Variants in SLC9B2 observed in about 807,000 individuals in gnomAD.
SLC9B2 encodes sodium/hydrogen exchanger 9B2.
SLC9B2 carries 39 observed loss-of-function variants against 52.2 expected under a neutral mutation model. The observed-to-expected ratio is 0.75, with a 90% CI of 0.58 to 0.98. The LOEUF (loss-of-function observed/expected upper bound fraction) is 0.98, where lower values mean the gene tolerates loss of function less well. Ranked by LOEUF, SLC9B2 falls within the 50% of genes least tolerant of loss-of-function variation. The pLI is 0.00. For missense variants in SLC9B2, 626 were observed against 637.5 expected (o/e 0.98, Z 0.19); for synonymous variants, 214 against 227.0 (o/e 0.94, Z 0.51).
intron 10 of SLC9B2, among the ~76,000 whole-genome samples, chr4:103,030,863 C>A (rs1258668842): frequency 6.6e-6 from 1 of 152,106 alleles, no homozygotes; most frequent in Non-Finnish European, 1.5e-5. Context: ...CTCCCAGCCC[C>A]TGGCAAGTAC....
intron 1 of SLC9B2, among the ~76,000 whole-genome samples, chr4:103,074,796 T>C (rs1746966857): frequency 6.6e-6 from 1 of 152,234 alleles, no homozygotes. Context: ...TCACTACTAT[T>C]GCTGCCTGGA....
intron 1 of SLC9B2, among the ~76,000 whole-genome samples, chr4:103,074,912 C>G (rs966567609): frequency 6.6e-6 from 1 of 152,160 alleles, no homozygotes; most frequent in Non-Finnish European, 1.5e-5. Flanking sequence ...CCCTCGTTTT[C>G]CTCTCTGATG....
At chr4:103,041,410 G>T (rs1389848829) in intron 9 of SLC9B2, among the ~76,000 whole-genome samples, 2 of 152,086 alleles carry the variant, frequency 1.3e-5, no homozygotes, top group Admixed American at 1.3e-4. Flanking sequence ...ACAATGGTTT[G>T]GTTTATAAGA....
intron 10 of SLC9B2, among the ~76,000 whole-genome samples, chr4:103,030,779 T>C (rs1226030085): frequency 6.6e-6 from 1 of 152,138 alleles, no homozygotes; most frequent in Non-Finnish European, 1.5e-5. Context: ...CACACTATTA[T>C]GCAACCAATC....
intron 6 of SLC9B2, chr4:103,048,634 T>C: frequency 3.0e-6 from 1 of 331,608 alleles, no homozygotes; most frequent in Non-Finnish European, 5.7e-6. Flanking sequence ...CGGTATCTCT[T>C]TAACAGGCAT....
intron 1 of SLC9B2, among the ~76,000 whole-genome samples, chr4:103,074,326 T>C (rs897776997): frequency 6.6e-6 from 1 of 152,202 alleles, no homozygotes; most frequent in African/African-American, 2.4e-5. Flanking sequence ...ATCTGTATTT[T>C]TGAAGGGAGT....
intron 3 of SLC9B2, among the ~76,000 whole-genome samples, chr4:103,059,893 T>C (rs1266661292): frequency 2.0e-5 from 3 of 152,152 alleles, no homozygotes; most frequent in Admixed American, 6.5e-5. Flanking sequence ...TCTTAAAGGA[T>C]AGTTTTTCTA....
chr4:103,057,735 C>G, intron 4 of SLC9B2, 66 bp downstream of exon 4: 2 of 1,507,994 alleles, frequency 1.3e-6, no homozygotes, highest in Admixed American at 2.4e-5. Context: ...TTTCCCAAAG[C>G]TTTCCAAACT....
At chr4:103,057,773 G>C (rs1339088648) in intron 4 of SLC9B2, 28 bp downstream of exon 4, 1 of 1,597,962 alleles carries the variant, frequency 6.3e-7, no homozygotes, top group Non-Finnish European at 8.5e-7. Flanking sequence ...GTTTACTCTG[G>C]ATAGAACAGG....
At chr4:103,029,852 GA>G (rs1742543747) in intron 10 of SLC9B2, among the ~76,000 whole-genome samples, 1 of 152,034 alleles carries the variant, frequency 6.6e-6, no homozygotes, top group African/African-American at 2.4e-5. Context: ...TTTTATAGTT[GA>G]AAAAACCAGA....
chr4:103,054,173 G>A (rs1297792268), intron 4 of SLC9B2, among the ~76,000 whole-genome samples: 1 of 152,078 alleles, frequency 6.6e-6, no homozygotes, highest in African/African-American at 2.4e-5. Context: ...GAAGGCTGAG[G>A]CAGGAAGATT....
At chr4:103,032,244 T>C (rs1742776060) in intron 9 of SLC9B2, among the ~76,000 whole-genome samples, 1 of 152,178 alleles carries the variant, frequency 6.6e-6, no homozygotes, top group African/African-American at 2.4e-5. Context: ...TACTGCTGCA[T>C]AGTGATCTAC....
At chr4:103,043,093 T>C (rs887968289) in intron 9 of SLC9B2, among the ~76,000 whole-genome samples, 2 of 152,164 alleles carry the variant, frequency 1.3e-5, no homozygotes, top group Non-Finnish European at 2.9e-5. Flanking sequence ...GACCATGATA[T>C]ATTTTAAGTA....
At chr4:103,075,743 T>C (rs1747068298) in intron 1 of SLC9B2, among the ~76,000 whole-genome samples, 2 of 152,146 alleles carry the variant, frequency 1.3e-5, no homozygotes, top group South Asian at 4.1e-4. Flanking sequence ...AGCAAAGCCA[T>C]AATATAAAAG....
downstream of SLC9B2, chr4:103,019,794 G>T (rs192072792): frequency 2.0e-6 from 2 of 985,648 alleles, no homozygotes; most frequent in East Asian, 1.1e-4. Context: ...CGGCAGAGGC[G>T]AGGGTTCTGG....
intron 10 of SLC9B2, 33 bp from the exon 11 acceptor site, chr4:103,028,916 A>C (rs770431251): frequency 2.0e-6 from 3 of 1,506,628 alleles, no homozygotes; most frequent in Non-Finnish European, 2.6e-6. Context: ...AGAAATAATA[A>C]AATACTAGGA....
chr4:103,027,107 T>C (rs1338383578), intron 11 of SLC9B2, among the ~76,000 whole-genome samples: 4 of 152,186 alleles, frequency 2.6e-5, no homozygotes, highest in African/African-American at 9.7e-5. Context: ...TCATTTGTAC[T>C]TATCTGTGTA....
At chr4:103,059,937 G>C (rs1315481767) in intron 3 of SLC9B2, among the ~76,000 whole-genome samples, 1 of 152,042 alleles carries the variant, frequency 6.6e-6, no homozygotes, top group Admixed American at 6.6e-5. Flanking sequence ...ATTCTAGGTT[G>C]AGTGTTATTG....
chr4:103,019,183 C>T (rs1215513627), downstream of SLC9B2, among the ~76,000 whole-genome samples: 6 of 152,084 alleles, frequency 3.9e-5, no homozygotes, highest in African/African-American at 1.2e-4. Context: ...AGAGCTTTCT[C>T]AGGATCGGCA....
Sources: allele counts gnomAD v4.1 joint callset (sites outside exome capture counted in the v4.1 genomes callset), GRCh38; gene constraint gnomAD v4.1.1; transcripts MANE v1.5; gene names NCBI Gene and HGNC (gene_info 2026-07-23, HGNC 2026-07-21).